The following MCM9 variants were observed in gnomAD, a reference collection of about 807,000 sequenced individuals.
MCM9 encodes the protein DNA helicase MCM9.
Under a neutral mutation model 72.8 loss-of-function variants are expected in MCM9, and 55 were observed. The observed-to-expected ratio is 0.76, with a 90% CI of 0.61 to 0.95. The LOEUF is 0.95. MCM9 is among the 40% of genes least tolerant of loss of function. MCM9 has a pLI of 0.00. For synonymous variants in MCM9, 480 were observed against 503.4 expected (o/e 0.95, Z 0.62); for missense variants, 1,279 against 1,377.0 (o/e 0.93, Z 1.13).
intron 13 of MCM9, among the ~76,000 whole-genome samples, chr6:118,820,885 T>C (rs1490592425): frequency 6.6e-6 from 1 of 152,222 alleles, no homozygotes; most frequent in Non-Finnish European, 1.5e-5. Flanking sequence ...AGTACCCTTC[T>C]TTGTCTTTTT....
chr6:118,897,052 T>C (rs1319267902), intron 8 of MCM9, among the ~76,000 whole-genome samples: 1 of 152,132 alleles, frequency 6.6e-6, no homozygotes, highest in Non-Finnish European at 1.5e-5. Context: ...TTGCCCAAGC[T>C]GGTCTCGAAC....
intron 13 of MCM9, among the ~76,000 whole-genome samples, chr6:118,816,706 T>C (rs1773430941): frequency 6.6e-6 from 1 of 152,188 alleles, no homozygotes; most frequent in South Asian, 2.1e-4. Context: ...ACCAAGTAGG[T>C]TGTTGGCTAA....
At chr6:118,862,678 A>G (rs1776977997) in intron 8 of MCM9, among the ~76,000 whole-genome samples, 1 of 152,152 alleles carries the variant, frequency 6.6e-6, no homozygotes, top group Admixed American at 6.5e-5. Context: ...GAGCAGCTAT[A>G]AATAGAGACA....
intron 9 of MCM9, among the ~76,000 whole-genome samples, chr6:118,830,916 T>C (rs1774499311): frequency 6.6e-6 from 1 of 152,186 alleles, no homozygotes. Flanking sequence ...ATCGTAAGTG[T>C]GCAAGGAGTG....
chr6:118,891,429 A>T (rs1314591174), intron 8 of MCM9, among the ~76,000 whole-genome samples: 2 of 152,234 alleles, frequency 1.3e-5, no homozygotes, highest in African/African-American at 4.8e-5. Flanking sequence ...TGGCTTAAAC[A>T]ATAGAAATTT....
intron 8 of MCM9, among the ~76,000 whole-genome samples, chr6:118,862,098 T>C (rs1386939492): frequency 2.0e-5 from 3 of 152,156 alleles, no homozygotes; most frequent in Non-Finnish European, 2.9e-5. Flanking sequence ...TCAACTTTGC[T>C]CTGAAATTGG....
At chr6:118,909,343 G>A (rs922674965) in intron 8 of MCM9, among the ~76,000 whole-genome samples, 10 of 152,088 alleles carry the variant, frequency 6.6e-5, no homozygotes, top group Admixed American at 3.9e-4. Flanking sequence ...GTTGTAAATG[G>A]ACAACCAATT....
chr6:118,817,170 T>G (rs1223308027), intron 13 of MCM9, among the ~76,000 whole-genome samples: 2 of 152,144 alleles, frequency 1.3e-5, no homozygotes, highest in African/African-American at 2.4e-5. Context: ...TTGCAGAACA[T>G]GCAGGTTTGT....
intron 8 of MCM9, among the ~76,000 whole-genome samples, chr6:118,897,069 G>GCT (rs1779471778): frequency 6.6e-6 from 1 of 151,980 alleles, no homozygotes; most frequent in Non-Finnish European, 1.5e-5. Context: ...GAACCCCTGG[G>GCT]CTCAAGCAGT....
chr6:118,920,259 A>T (rs1781324664), intron 5 of MCM9: 1 of 152,216 alleles, frequency 6.6e-6, no homozygotes, highest in Admixed American at 6.5e-5. Context: ...GGCAATCCAT[A>T]ATCAAAGCTG....
intron 8 of MCM9, among the ~76,000 whole-genome samples, chr6:118,895,041 A>T (rs986183701): frequency 4.6e-5 from 7 of 152,128 alleles, no homozygotes; most frequent in African/African-American, 1.7e-4. Flanking sequence ...GGCGAAAGGC[A>T]GGCAGGCACT....
At chr6:118,820,561 A>C (rs1400618620) in intron 13 of MCM9, among the ~76,000 whole-genome samples, 1 of 152,190 alleles carries the variant, frequency 6.6e-6, no homozygotes, top group Non-Finnish European at 1.5e-5. Flanking sequence ...CAATTTTAGA[A>C]TAAGTGCTAT....
intron 8 of MCM9, among the ~76,000 whole-genome samples, chr6:118,863,624 G>A (rs953892074): frequency 6.6e-6 from 1 of 152,148 alleles, no homozygotes; most frequent in Non-Finnish European, 1.5e-5. Flanking sequence ...ATCCAACTAT[G>A]GTATTTGAGA....
chr6:118,880,886 C>T lies in MCM9; in HGVS notation c.1151-24341G>A, dbSNP rs193269462. ...AGTCTCTCCTTATCCACAGGGGATA[C>T]GTTCCAAGACCCCCAGTGCATGCCT... On this transcript the variant is annotated intron_variant, in intron 8 of 13. Coordinates refer to ENST00000619706, the MANE Select transcript of MCM9 (RefSeq NM_017696.3). Among the ~76,000 whole-genome samples, 19 of 152,286 alleles carry T rather than the reference C, an allele frequency of 1.2e-4. No homozygotes were observed. The East Asian group carries it at 3.3e-3, about 26-fold the overall frequency.
chr6:118,917,466 A>G (rs905085806), intron 6 of MCM9, 95 bp downstream of exon 6: 14 of 1,196,492 alleles, frequency 1.2e-5, no homozygotes, highest in Non-Finnish European at 1.6e-5. Flanking sequence ...TCATTGAGTT[A>G]TGCGGCATAT....
chr6:118,847,061 A>T (rs963544643), intron 9 of MCM9, among the ~76,000 whole-genome samples: 5 of 151,858 alleles, frequency 3.3e-5, no homozygotes, highest in Admixed American at 6.5e-5. Flanking sequence ...AAATTCAAAA[A>T]TTCACAATAT....
At chr6:118,853,448 T>A (rs1776354235) in intron 9 of MCM9, among the ~76,000 whole-genome samples, 1 of 148,284 alleles carries the variant, frequency 6.7e-6, no homozygotes, top group South Asian at 2.1e-4. Flanking sequence ...TTGTTGGGAT[T>A]TTTTTTTTTG....
At chr6:118,920,856 T>TTA (rs2114349440) in intron 5 of MCM9, 1 of 152,386 alleles carries the variant, frequency 6.6e-6, no homozygotes, top group East Asian at 1.9e-4. Flanking sequence ...AGGTATTTCT[T>TTA]TATAGCAACG....
intron 3 of MCM9, among the ~76,000 whole-genome samples, chr6:118,927,805 T>TA (rs1198172028): frequency 6.6e-6 from 1 of 152,248 alleles, no homozygotes; most frequent in Non-Finnish European, 1.5e-5. Flanking sequence ...TTTAATTTGA[T>TA]AGTGTTTCTT....
Sources: allele counts gnomAD v4.1 joint callset (sites outside exome capture counted in the v4.1 genomes callset), GRCh38; gene constraint gnomAD v4.1.1; transcripts MANE v1.5; gene names NCBI Gene and HGNC (gene_info 2026-07-23, HGNC 2026-07-21).